The following MGAT4C variants were observed in gnomAD, a reference collection of about 807,000 sequenced individuals.
The protein encoded by MGAT4C is MGAT4 family member C, also known as alpha-1,3-mannosyl-glycoprotein 4-beta-N-acetylglucosaminyltransferase C.
MGAT4C carries 19 observed loss-of-function variants against 40.1 expected under a neutral mutation model. That is an observed-to-expected ratio of 0.47 (90% CI 0.33 to 0.70). The LOEUF (loss-of-function observed/expected upper bound fraction) is 0.70. Among genes scored for constraint, MGAT4C ranks in the 30% least tolerant of loss-of-function variants. The pLI is 0.02. For synonymous variants in MGAT4C, 181 were observed against 187.1 expected (o/e 0.97, Z 0.27); for missense variants, 491 against 563.2 (o/e 0.87, Z 1.30).
intron 1 of MGAT4C, among the ~76,000 whole-genome samples, chr12:86,216,241 T>C (rs1033603412): frequency 2.0e-5 from 3 of 152,128 alleles, no homozygotes; most frequent in Non-Finnish European, 4.4e-5. Context: ...GCTTGTGAGG[T>C]GAGGTGCCTT....
chr12:86,247,252 T>G (rs944559714), intron 1 of MGAT4C, among the ~76,000 whole-genome samples: 2 of 152,184 alleles, frequency 1.3e-5, no homozygotes, highest in Non-Finnish European at 2.9e-5. Flanking sequence ...TCTAAGAAAG[T>G]CCACTCAAAT....
At chr12:85,996,258 AT>A (rs1886611237) in intron 2 of MGAT4C, among the ~76,000 whole-genome samples, 1 of 152,228 alleles carries the variant, frequency 6.6e-6, no homozygotes, top group African/African-American at 2.4e-5. Context: ...AAGAACAATG[AT>A]AATTTTAAGG....
chr12:86,128,462 A>T (rs887272489), intron 1 of MGAT4C, among the ~76,000 whole-genome samples: 1 of 152,084 alleles, frequency 6.6e-6, no homozygotes, highest in African/African-American at 2.4e-5. Flanking sequence ...TCTGGCTGCC[A>T]CCAAGCAAGA....
In MGAT4C at chr12:86,645,711, T is replaced by C. The variant is rs568323223; in HGVS notation, c.-229+81498A>G. On this transcript the variant is annotated intron_variant, in intron 2 of 7. Coordinates refer to the MGAT4C transcript ENST00000548651. ...TTTATGATCCTATGCCAAATCTATA[T>C]GGCAGATACTTTCTACATTTCATTC... Among the ~76,000 whole-genome samples the C allele has an allele frequency of 3.3e-5, 5 of 151,952 alleles. No homozygotes were observed. The East Asian group carries it at 9.7e-4, about 30-fold the overall frequency.
rs74510263 is a variant in MGAT4C, at chr12:86,363,695, T to A, written c.-119-29568A>T. 8.8e-3 allele frequency among the ~76,000 whole-genome samples: 1,334 copies of A among 152,108 alleles called. 25 individuals are homozygous for A. The highest frequency in any genetic ancestry group is 0.031 in the African/African-American group (1,291 of 41,516). On this transcript the variant is annotated intron_variant, in intron 3 of 7. Transcript: ENST00000548651. Reference sequence around the variant, plus strand: ...GCTACTTCTTTGAAAAGTTTGATAATTTGATAATATTGAAAAACCTTTTTC... The same window carrying A: ...GCTACTTCTTTGAAAAGTTTGATAAATTGATAATATTGAAAAACCTTTTTC...
intron 1 of MGAT4C, among the ~76,000 whole-genome samples, chr12:86,120,406 C>A (rs931775160): frequency 6.6e-6 from 1 of 152,002 alleles, no homozygotes; most frequent in Non-Finnish European, 1.5e-5. Flanking sequence ...TCTCCCAGCA[C>A]GCAGCTTGAG....
At chr12:86,570,255 T>C (rs1017501097) in intron 2 of MGAT4C, among the ~76,000 whole-genome samples, 1 of 152,144 alleles carries the variant, frequency 6.6e-6, no homozygotes, top group African/African-American at 2.4e-5. Flanking sequence ...TTTAGGTCAT[T>C]TGACAATGTA....
chr12:86,716,028 T>C (rs1565944674), intron 2 of MGAT4C, among the ~76,000 whole-genome samples: 1 of 152,144 alleles, frequency 6.6e-6, no homozygotes, highest in South Asian at 2.1e-4. Context: ...CTACTCATAA[T>C]GTAAGATGTG....
intron 4 of MGAT4C, among the ~76,000 whole-genome samples, chr12:86,303,415 T>C (rs1259384397): frequency 6.6e-6 from 1 of 150,482 alleles, no homozygotes; most frequent in East Asian, 1.9e-4. Context: ...CCTATAGGAA[T>C]AGATGAAATC....
chr12:86,043,041 A>G (rs1365371869), intron 2 of MGAT4C, among the ~76,000 whole-genome samples: 1 of 152,114 alleles, frequency 6.6e-6, no homozygotes, highest in Admixed American at 6.5e-5. Flanking sequence ...GAATCTGATG[A>G]CTATGAGTCT....
At chr12:86,662,590 T>C (rs2136550445) in intron 2 of MGAT4C, among the ~76,000 whole-genome samples, 1 of 152,328 alleles carries the variant, frequency 6.6e-6, no homozygotes, top group South Asian at 2.1e-4. Flanking sequence ...TTGTGATTTT[T>C]TTTCATGTCT....
At chr12:86,026,655 G>C (rs1890271547) in intron 2 of MGAT4C, among the ~76,000 whole-genome samples, 1 of 152,006 alleles carries the variant, frequency 6.6e-6, no homozygotes, top group African/African-American at 2.4e-5. Context: ...TCATTTATGA[G>C]AGATACTTCC....
intron 1 of MGAT4C, among the ~76,000 whole-genome samples, chr12:86,086,380 C>A (rs1871845929): frequency 6.6e-6 from 1 of 151,884 alleles, no homozygotes; most frequent in South Asian, 2.1e-4. Context: ...CACACCGGGG[C>A]CTTTTGCGGG....
intron 1 of MGAT4C, among the ~76,000 whole-genome samples, chr12:86,234,841 AGTTTTT>A (rs1331590415): frequency 1.3e-5 from 2 of 151,886 alleles, no homozygotes; most frequent in African/African-American, 2.4e-5. Flanking sequence ...AACATTTCTC[AGTTTTT>A]GTTTTTGTTT....
intron 2 of MGAT4C, among the ~76,000 whole-genome samples, chr12:86,626,893 G>A (rs1230605131): frequency 6.6e-6 from 1 of 152,144 alleles, no homozygotes; most frequent in Non-Finnish European, 1.5e-5. Flanking sequence ...ACCCACAGAG[G>A]GTGAGCCAAA....
chr12:86,437,047 T>C (rs1190558416), intron 2 of MGAT4C, among the ~76,000 whole-genome samples: 1 of 151,652 alleles, frequency 6.6e-6, no homozygotes, highest in African/African-American at 2.4e-5. Flanking sequence ...TATAAATTTG[T>C]TTGGAAAATT....
In MGAT4C at chr12:86,601,542, C is replaced by A. The variant is rs74727962; in HGVS notation, c.-229+125667G>T. Among the ~76,000 whole-genome samples the A allele has an allele frequency of 8.9e-3, 1,351 of 152,200 alleles. 23 individuals carry two copies. The highest frequency in any genetic ancestry group is 0.031 in the African/African-American group (1,307 of 41,526). Reference sequence around the variant, plus strand: ...TGTATGGTCACCTAATAAAGCTCTTCCCCACCTTGCTCACCCTCCAATTGT... The same window carrying A: ...TGTATGGTCACCTAATAAAGCTCTTACCCACCTTGCTCACCCTCCAATTGT... On this transcript the variant is annotated intron_variant, in intron 2 of 7. Coordinates refer to the MGAT4C transcript ENST00000548651.
At position 86,547,976 on chromosome 12, in the gene MGAT4C, T is replaced by A. The variant is rs146229622; in HGVS notation, c.-228-112711A>T. Among the ~76,000 whole-genome samples the A allele has an allele frequency of 1.3e-3, 191 of 152,288 alleles. 2 individuals are homozygous for A. The highest frequency in any genetic ancestry group is 0.01 in the Middle Eastern group (3 of 294). On this transcript the variant is annotated intron_variant, in intron 2 of 7. Transcript: ENST00000548651. Reference sequence around the variant, plus strand: ...TCAAATGTCAACTTTGTGAGAAATGTATTCCCATTAGGTTATCTGAAGAAG... The same window carrying A: ...TCAAATGTCAACTTTGTGAGAAATGAATTCCCATTAGGTTATCTGAAGAAG...
chr12:86,640,174 A>T (rs1253842051), intron 2 of MGAT4C, among the ~76,000 whole-genome samples: 1 of 151,774 alleles, frequency 6.6e-6, no homozygotes, highest in African/African-American at 2.4e-5. Context: ...ACAAGTTAGC[A>T]TATTAATTAA....
Sources: allele counts gnomAD v4.1 joint callset (sites outside exome capture counted in the v4.1 genomes callset), GRCh38; gene constraint gnomAD v4.1.1; transcripts MANE v1.5; gene names NCBI Gene and HGNC (gene_info 2026-07-23, HGNC 2026-07-21).